CRACD: variants seen among roughly 807,000 people sequenced by gnomAD.
CRACD encodes capping protein-inhibiting regulator of actin dynamics.
In CRACD, 56 loss-of-function variants were observed where a neutral mutation model predicts 106.8. That is an observed-to-expected ratio of 0.52 (90% CI 0.42 to 0.66). The LOEUF (loss-of-function observed/expected upper bound fraction) is 0.66. CRACD is among the 30% of genes least tolerant of loss of function. The pLI is 0.00. For missense variants in CRACD, 1,730 were observed against 1,623.2 expected, an observed-to-expected ratio of 1.07 and a Z score of -1.13; for synonymous variants, 754 against 670.8, an observed-to-expected ratio of 1.12 and a Z score of -1.92.
At chr4:56,201,360 A>G (rs1293442119) in intron 2 of CRACD, among the ~76,000 whole-genome samples, 1 of 152,196 alleles carries the variant, frequency 6.6e-6, no homozygotes, top group Non-Finnish European at 1.5e-5. Context: ...GTTGATAGAT[A>G]TCTTTTGTTC....
Position 56,324,166 on chromosome 4 carries a change from C to T in CRACD, c.3441C>T (p.Ser1147=), listed in dbSNP as rs370925408. ...GCAGAGCAGGTTCCCTGCACAAGTC[C>T]ACTGCTCTGCCAGAAGAGAAGAGGC... is the stretch of plus-strand genomic sequence containing the variant. The part of the protein sequence containing the change: ...SVSRAGSLHK[S]TALPEEKRPE... Residue 1147 remains serine (S), a synonymous_variant, in exon 10 of 11, where the codon TCC becomes TCT. Transcript: ENST00000682029. The T allele has an allele frequency of 8.1e-6, 13 of 1,614,180 alleles. No individual in the cohort carries two copies. The highest frequency in any genetic ancestry group is 1.1e-5 in the South Asian group (1 of 91,070).
At chr4:56,246,518 G>A (rs1251381400) in intron 2 of CRACD, 1 of 152,172 alleles carries the variant, frequency 6.6e-6, no homozygotes, top group Non-Finnish European at 1.5e-5. Flanking sequence ...TATGTCCAAA[G>A]CCAATCTAAC....
At chr4:56,237,710 A>G (rs1326500452) in intron 2 of CRACD, among the ~76,000 whole-genome samples, 2 of 143,998 alleles carry the variant, frequency 1.4e-5, no homozygotes, top group Non-Finnish European at 3.0e-5. Flanking sequence ...TCTAGGTTAA[A>G]AGATATTACA....
At chr4:56,211,273 A>G (rs1738388177) in intron 2 of CRACD, among the ~76,000 whole-genome samples, 1 of 152,208 alleles carries the variant, frequency 6.6e-6, no homozygotes, top group Admixed American at 6.5e-5. Flanking sequence ...TGAGGCTGAG[A>G]CTGACAAAGG....
chr4:56,230,310 C>T (rs1433258350), intron 2 of CRACD, among the ~76,000 whole-genome samples: 1 of 152,120 alleles, frequency 6.6e-6, no homozygotes, highest in East Asian at 1.9e-4. Flanking sequence ...AAAAAGCATG[C>T]AGGCTTTTTC....
chr4:56,224,774 C>T (rs1184334979), intron 2 of CRACD, among the ~76,000 whole-genome samples: 1 of 152,156 alleles, frequency 6.6e-6, no homozygotes, highest in Non-Finnish European at 1.5e-5. Flanking sequence ...GTTTTTTCTT[C>T]AGTTGCTAGT....
chr4:56,273,345 G>A (rs58276857), intron 3 of CRACD, among the ~76,000 whole-genome samples: 5 of 134,094 alleles, frequency 3.7e-5, no homozygotes, highest in African/African-American at 5.6e-5. Flanking sequence ...CCCTCCCTAC[G>A]TCCCTCCCTC....
intron 1 of CRACD, among the ~76,000 whole-genome samples, chr4:56,065,221 G>C (rs1732426116): frequency 6.6e-6 from 1 of 151,988 alleles, no homozygotes; most frequent in South Asian, 2.1e-4. Context: ...CCGAGTAGCT[G>C]GGACTATAGG....
chr4:56,129,698 T>G (rs1214644895), intron 1 of CRACD, among the ~76,000 whole-genome samples: 1 of 152,138 alleles, frequency 6.6e-6, no homozygotes, highest in Non-Finnish European at 1.5e-5. Flanking sequence ...TGCCCGGCAC[T>G]AGGGATACAA....
chr4:56,223,126 A>G (rs1739136031), intron 2 of CRACD, among the ~76,000 whole-genome samples: 1 of 151,424 alleles, frequency 6.6e-6, no homozygotes, highest in Admixed American at 6.6e-5. Context: ...TGTTGACAGT[A>G]GGCAAGAGAT....
chr4:56,191,081 T>C (rs112485477), intron 2 of CRACD, among the ~76,000 whole-genome samples: 3 of 152,172 alleles, frequency 2.0e-5, no homozygotes, highest in African/African-American at 7.2e-5. Flanking sequence ...AAGTGAATAA[T>C]GTATCCCAAA....
Position 56,314,574 on chromosome 4 carries a change from C to A in CRACD, c.1072C>A (p.Leu358Ile). The A allele has an allele frequency of 6.6e-7, 1 of 1,515,382 alleles. No homozygotes were observed. The allele number at this position is 1,515,382 out of a possible 1,614,324, so 93.9% of individuals were successfully genotyped here. ...GGAGGAAGGAAGATGCGCGGAGGAG[C>A]TCAAAAGGCAGGAGGAGGAGGAGGC... ...EEEEGRCAEE[L>I]KRQEEEEAEG... Residue 358 changes from leucine (L) to isoleucine (I), a missense_variant, in exon 8 of 11, where the codon CTC (leucine) becomes ATC (isoleucine). This residue lies in a region of CRACD where 1,620 missense variants were observed against 1,481.6 expected (regional missense o/e 1.09). Transcript: ENST00000682029. This position sits in a 1 kb window ranked among gnomAD's most constrained non-coding sequence, Gnocchi z 4.4.
intron 1 of CRACD, among the ~76,000 whole-genome samples, chr4:56,059,491 A>C (rs1485753059): frequency 6.6e-6 from 1 of 152,016 alleles, no homozygotes; most frequent in South Asian, 2.1e-4. Context: ...AAGAAAAGAA[A>C]ATTTCCATTT....
At chr4:56,156,399 A>C (rs1735765412) in intron 1 of CRACD, among the ~76,000 whole-genome samples, 1 of 152,172 alleles carries the variant, frequency 6.6e-6, no homozygotes, top group Non-Finnish European at 1.5e-5. Context: ...AGAGCACAGG[A>C]GATCTGACTT....
intron 2 of CRACD, among the ~76,000 whole-genome samples, chr4:56,238,350 T>C (rs1307448110): frequency 6.6e-6 from 1 of 152,264 alleles, no homozygotes; most frequent in Admixed American, 6.5e-5. Context: ...TCTCTCTACA[T>C]GTTGGCTTCA....
intron 1 of CRACD, among the ~76,000 whole-genome samples, chr4:56,102,813 T>C (rs1046582959): frequency 1.3e-5 from 2 of 152,202 alleles, no homozygotes; most frequent in Non-Finnish European, 2.9e-5. Context: ...GACTTCATAA[T>C]TGCAGAGCTC....
intron 1 of CRACD, among the ~76,000 whole-genome samples, chr4:56,071,001 C>G (rs1405007206): frequency 6.6e-6 from 1 of 152,020 alleles, no homozygotes; most frequent in African/African-American, 2.4e-5. Flanking sequence ...TGTGTTGTGT[C>G]TGGCATGGCC....
intron 1 of CRACD, among the ~76,000 whole-genome samples, chr4:56,081,029 A>AT (rs986145939): frequency 1.3e-5 from 2 of 151,918 alleles, no homozygotes; most frequent in Non-Finnish European, 2.9e-5. Flanking sequence ...TTATTACTAA[A>AT]TTTTTTTTGT....
At chr4:56,173,228 A>T (rs1358869314) in intron 1 of CRACD, among the ~76,000 whole-genome samples, 1 of 152,230 alleles carries the variant, frequency 6.6e-6, no homozygotes, top group Non-Finnish European at 1.5e-5. Flanking sequence ...ACATGCTCTG[A>T]GTTCACTGAG....
Sources: gnomAD v4.1 joint callset for allele counts (sites outside exome capture counted in the v4.1 genomes callset) on GRCh38, gnomAD v4.1.1 for gene constraint, gnomAD v4.1.1 regional missense constraint, Gnocchi (gnomAD v3.1) non-coding constraint, MANE v1.5 for transcripts, NCBI Gene and HGNC (gene_info 2026-07-23, HGNC 2026-07-21) for gene names.